The following ZNF609 variants were observed in gnomAD, a reference collection of about 807,000 sequenced individuals.
ZNF609 encodes the protein zinc finger protein 609.
ZNF609 carries 11 observed loss-of-function variants against 109.5 expected under a neutral mutation model. That is an observed-to-expected ratio of 0.10 (90% CI 0.06 to 0.17). The LOEUF (loss-of-function observed/expected upper bound fraction) is 0.17, where lower values mean the gene tolerates loss of function less well. ZNF609 is among the 10% of genes least tolerant of loss of function. ZNF609 has a pLI of 1.00. For missense variants in ZNF609, 1,559 were observed against 1,772.4 expected, an observed-to-expected ratio of 0.88 and a Z score of 2.16; for synonymous variants, 646 against 662.0, an observed-to-expected ratio of 0.98 and a Z score of 0.37.
At position 64,675,492 on chromosome 15, in the gene ZNF609, T is replaced by C. The variant is rs987062888; in HGVS notation, c.2638T>C (p.Phe880Leu). 2.5e-6 allele frequency: 4 copies of C among 1,614,148 alleles called. No individual in the cohort carries two copies. The highest frequency in any genetic ancestry group is 2.5e-6 in the Non-Finnish European group (3 of 1,180,018). The change falls in exon 5 of 10, where the codon TTT becomes CTT. Residue 880 changes from phenylalanine to leucine, a missense_variant. Physicochemically the swap from Phe to Leu is conservative, Grantham distance 22. Coordinates refer to ENST00000326648, the MANE Select transcript of ZNF609 (RefSeq NM_015042.2). ...TAAAGAAGGGGCTAAGAAAACTCTT[T>C]TTCCCCCTCAGCCTCAGAGCAAAGA... ...LVKEGAKKTL[F>L]PPQPQSKDSP... is the part of the protein sequence containing the mutation.
chr15:64,590,690 A>G (rs201781363), intron 2 of ZNF609, among the ~76,000 whole-genome samples: 1 of 114,524 alleles, frequency 8.7e-6, no homozygotes, highest in Admixed American at 9.0e-5. Flanking sequence ...ATATATATGT[A>G]TATATATATG....
chr15:64,497,341 A>G (rs1246480377), intron 1 of ZNF609, among the ~76,000 whole-genome samples: 3 of 152,214 alleles, frequency 2.0e-5, no homozygotes, highest in African/African-American at 7.2e-5. Flanking sequence ...TAAATGGCAG[A>G]TAAATGTGCA....
chr15:64,466,810 C>G (rs769834909), intron 1 of ZNF609, among the ~76,000 whole-genome samples: 3 of 152,076 alleles, frequency 2.0e-5, no homozygotes, highest in African/African-American at 4.8e-5. Flanking sequence ...TTTCCCCCAC[C>G]CCCATCTCTT....
At chr15:64,510,976 C>T (rs1295989185) in intron 2 of ZNF609, among the ~76,000 whole-genome samples, 1 of 138,762 alleles carries the variant, frequency 7.2e-6, no homozygotes, top group African/African-American at 2.7e-5. Context: ...TTACAAGTTT[C>T]CACATAGCAT....
intron 1 of ZNF609, among the ~76,000 whole-genome samples, chr15:64,493,258 C>T (rs1309484868): frequency 6.6e-6 from 1 of 152,014 alleles, no homozygotes; most frequent in East Asian, 1.9e-4. Flanking sequence ...TGTTTTTGCC[C>T]TCTGAGCTGG....
At chr15:64,610,113 G>C (rs1895693445) in intron 2 of ZNF609, among the ~76,000 whole-genome samples, 1 of 152,180 alleles carries the variant, frequency 6.6e-6, no homozygotes, top group East Asian at 1.9e-4. Flanking sequence ...AAGGCACAAG[G>C]ATCTCTTGAG....
chr15:64,578,099 G>T (rs1318428283), intron 2 of ZNF609, among the ~76,000 whole-genome samples: 1 of 151,698 alleles, frequency 6.6e-6, no homozygotes, highest in East Asian at 1.9e-4. Context: ...AAACATAAAG[G>T]AAAAGATTGA....
At chr15:64,559,945 G>C (rs1344875132) in intron 2 of ZNF609, among the ~76,000 whole-genome samples, 1 of 152,196 alleles carries the variant, frequency 6.6e-6, no homozygotes, top group Non-Finnish European at 1.5e-5. Flanking sequence ...AAACAGAGAA[G>C]GGAGTAAAAT....
chr15:64,504,395 G>A (rs1299205882), intron 2 of ZNF609, among the ~76,000 whole-genome samples: 1 of 152,206 alleles, frequency 6.6e-6, no homozygotes, highest in Admixed American at 6.5e-5. Context: ...CTTATGGCAT[G>A]TTGTTACTCT....
At chr15:64,556,502 A>G (rs1894590096) in intron 2 of ZNF609, among the ~76,000 whole-genome samples, 1 of 152,152 alleles carries the variant, frequency 6.6e-6, no homozygotes, top group Admixed American at 6.5e-5. Flanking sequence ...TTTAACCCTC[A>G]TGACAATCAG....
Position 64,678,368 on chromosome 15 carries a change from A to C in ZNF609, c.3655A>C (p.Thr1219Pro). The C allele has an allele frequency of 6.2e-7, 1 of 1,614,032 alleles. No homozygotes were observed. Among genetic ancestry groups the C allele is most frequent in the South Asian group, 1.1e-5 (1 of 91,078 alleles). ...SVHVPVSSPL[T>P]QHQSYIPYMH... is the part of the protein sequence containing the mutation. ...CCATGTGCCTGTGTCCTCCCCACTT[A>C]CCCAGCACCAGTCCTACATCCCCTA... Residue 1219 changes from threonine (T) to proline (P), a missense_variant, in exon 6 of 10, where the codon ACC becomes CCC. Thr to Pro is a conservative substitution (Grantham distance 38). Around this residue, in one of 4 missense-constraint regions of ZNF609, gnomAD observed 1,204 missense variants for 1,314.1 expected, o/e 0.92. Coordinates refer to ENST00000326648, the MANE Select transcript of ZNF609 (RefSeq NM_015042.2).
chr15:64,538,530 T>C (rs927481306), intron 2 of ZNF609, among the ~76,000 whole-genome samples: 2 of 152,070 alleles, frequency 1.3e-5, no homozygotes, highest in Non-Finnish European at 2.9e-5. Context: ...TGGATTTTTG[T>C]TTGGTTTTAT....
Position 64,463,358 on chromosome 15 carries a change from C to T in ZNF609, c.-128+2520C>T, listed in dbSNP as rs578041276. ...AGGCTGCAGTGAGCTGTGATTGCAC[C>T]GCTGTACTCCAGCCTGGGTGATAGA... On this transcript the variant is annotated intron_variant, in intron 1 of 9. Transcript: ENST00000326648. 1.8e-3 allele frequency among the ~76,000 whole-genome samples: 275 copies of T among 150,852 alleles called. 1 individual carries two copies. Among genetic ancestry groups the T allele is most frequent in the Non-Finnish European group, 2.5e-3 (168 of 67,890 alleles).
At chr15:64,559,921 G>C (rs954588160) in intron 2 of ZNF609, among the ~76,000 whole-genome samples, 8 of 152,174 alleles carry the variant, frequency 5.3e-5, no homozygotes, top group African/African-American at 1.9e-4. Context: ...GAGTTAAATA[G>C]AAGTTAAAAT....
intron 1 of ZNF609, among the ~76,000 whole-genome samples, chr15:64,491,080 A>G (rs1434266860): frequency 2.6e-5 from 4 of 152,246 alleles, no homozygotes; most frequent in Non-Finnish European, 5.9e-5. Flanking sequence ...TGGAGATATA[A>G]GCTGAAAGCT....
chr15:64,667,058 A>C (rs1294362968), intron 3 of ZNF609, among the ~76,000 whole-genome samples: 1 of 152,078 alleles, frequency 6.6e-6, no homozygotes, highest in Non-Finnish European at 1.5e-5. Context: ...TGAACCCGGG[A>C]GACGGAGCTT....
chr15:64,635,553 G>A (rs1896160787), intron 3 of ZNF609, among the ~76,000 whole-genome samples: 1 of 152,186 alleles, frequency 6.6e-6, no homozygotes, highest in African/African-American at 2.4e-5. Context: ...AATCATTTAT[G>A]TGGAATAGAA....
intron 1 of ZNF609, among the ~76,000 whole-genome samples, chr15:64,478,155 G>GGA (rs1555413999): frequency 7.2e-6 from 1 of 138,196 alleles, no homozygotes; most frequent in Non-Finnish European, 1.6e-5. Flanking sequence ...TTAGAATAAA[G>GGA]GTGTGTGTGT....
At chr15:64,676,999 C>T (rs1189820926) in intron 5 of ZNF609, among the ~76,000 whole-genome samples, 1 of 152,048 alleles carries the variant, frequency 6.6e-6, no homozygotes, top group Non-Finnish European at 1.5e-5. Context: ...GTGATCCACC[C>T]ACCTCGGCCT....
Sources: gnomAD v4.1 joint callset for allele counts (sites outside exome capture counted in the v4.1 genomes callset) on GRCh38, gnomAD v4.1.1 for gene constraint, gnomAD v4.1.1 regional missense constraint, MANE v1.5 for transcripts, NCBI Gene and HGNC (gene_info 2026-07-23, HGNC 2026-07-21) for gene names.